The following TUSC3 variants were observed in gnomAD, a reference collection of about 807,000 sequenced individuals.
TUSC3 encodes the protein dolichyl-diphosphooligosaccharide--protein glycosyltransferase subunit TUSC3.
In TUSC3, 45 loss-of-function variants were observed where a neutral mutation model predicts 44.8. The observed-to-expected ratio is 1.00, with a 90% CI of 0.79 to 1.29. The LOEUF is 1.29. TUSC3 is among the 50% of genes most tolerant of loss of function. The pLI, the probability that TUSC3 is intolerant of heterozygous loss-of-function variation, is 0.00. For missense variants in TUSC3, 519 were observed against 437.9 expected (o/e 1.19, Z -1.65); for synonymous variants, 212 against 152.9 (o/e 1.39, Z -2.85).
At chr8:15,480,315 T>C (rs1404964394) in intron 1 of TUSC3, among the ~76,000 whole-genome samples, 4 of 152,210 alleles carry the variant, frequency 2.6e-5, no homozygotes, top group Admixed American at 2.0e-4. Context: ...ATTCTTCACA[T>C]AATTAGAAAA....
At chr8:15,761,817 C>G (rs1168310194) in intron 10 of TUSC3, among the ~76,000 whole-genome samples, 2 of 152,124 alleles carry the variant, frequency 1.3e-5, no homozygotes, top group Non-Finnish European at 2.9e-5. Flanking sequence ...GGCATTTATA[C>G]ATTTTTGTGA....
At chr8:15,718,588 TA>T (rs1334384744) in intron 6 of TUSC3, among the ~76,000 whole-genome samples, 1 of 152,100 alleles carries the variant, frequency 6.6e-6, no homozygotes, top group Non-Finnish European at 1.5e-5. Context: ...ACACATCTTC[TA>T]AAGGAGAGAA....
chr8:15,523,658 ATATATATG>A (rs1466646608), intron 2 of TUSC3, among the ~76,000 whole-genome samples: 4 of 21,322 alleles, frequency 1.9e-4, no homozygotes, highest in East Asian at 4.0e-3. Flanking sequence ...ATATATATAT[ATATATATG>A]TGTGTGTGTG....
intron 1 of TUSC3, among the ~76,000 whole-genome samples, chr8:15,607,609 C>T (rs561472166): frequency 3.9e-5 from 6 of 152,166 alleles, no homozygotes; most frequent in Admixed American, 2.0e-4. Context: ...CACTGAATAC[C>T]CAGATATCGA....
chr8:15,800,336 G>A, the TUSC3 span, among the ~76,000 whole-genome samples: 3 of 152,116 alleles, frequency 2.0e-5, no homozygotes, highest in Non-Finnish European at 2.9e-5. Context: ...AGGCTGGGAG[G>A]CTAAGGTGGG....
chr8:15,504,461 T>C (rs1344411469), intron 2 of TUSC3, among the ~76,000 whole-genome samples: 2 of 151,344 alleles, frequency 1.3e-5, no homozygotes, highest in African/African-American at 4.9e-5. Flanking sequence ...ATCATTAACA[T>C]CAGTTCATTA....
intron 1 of TUSC3, among the ~76,000 whole-genome samples, chr8:15,444,212 T>C (rs1366335518): frequency 1.3e-5 from 2 of 152,214 alleles, no homozygotes; most frequent in Non-Finnish European, 2.9e-5. Flanking sequence ...TGAAATAGAC[T>C]ACCTGAAAAG....
the TUSC3 span, among the ~76,000 whole-genome samples, chr8:15,795,835 C>A: frequency 6.6e-6 from 1 of 152,186 alleles, no homozygotes; most frequent in African/African-American, 2.4e-5. Flanking sequence ...TTTGGAGGGA[C>A]TGCATGAGGT....
intron 1 of TUSC3, among the ~76,000 whole-genome samples, chr8:15,447,343 A>G (rs1012267389): frequency 1.3e-5 from 2 of 152,182 alleles, no homozygotes; most frequent in Non-Finnish European, 2.9e-5. Flanking sequence ...TTCAGCTGTC[A>G]GAAAACTAAA....
intron 1 of TUSC3, among the ~76,000 whole-genome samples, chr8:15,554,822 G>A (rs1011903607): frequency 8.0e-5 from 12 of 150,842 alleles, no homozygotes; most frequent in Non-Finnish European, 1.3e-4. Flanking sequence ...AGCCAGGATG[G>A]TGTCGATCTC....
intron 2 of TUSC3, among the ~76,000 whole-genome samples, chr8:15,626,723 G>T (rs1197547890): frequency 6.6e-6 from 1 of 152,226 alleles, no homozygotes; most frequent in African/African-American, 2.4e-5. Flanking sequence ...CACTGTTGGA[G>T]CTTGGCCAGG....
At chr8:15,781,724 GAATT>G in the TUSC3 span, among the ~76,000 whole-genome samples, 7 of 152,142 alleles carry the variant, frequency 4.6e-5, no homozygotes, top group African/African-American at 1.7e-4. Context: ...AACGTTCAAA[GAATT>G]AATACCAACC....
chr8:15,500,435 T>A (rs987292772), intron 2 of TUSC3, among the ~76,000 whole-genome samples: 1 of 152,198 alleles, frequency 6.6e-6, no homozygotes, highest in African/African-American at 2.4e-5. Flanking sequence ...CCATTGGGAT[T>A]TTTTAGTCAA....
At chr8:15,692,371 C>CCCCCCCTT (rs1563175839) in intron 6 of TUSC3, among the ~76,000 whole-genome samples, 5 of 18,822 alleles carry the variant, frequency 2.7e-4, no homozygotes, top group Admixed American at 6.2e-4. Context: ...CCCCCCCCCC[C>CCCCCCCTT]TTTGTTTTTT....
chr8:15,786,338 T>C, the TUSC3 span, among the ~76,000 whole-genome samples: 11 of 152,216 alleles, frequency 7.2e-5, no homozygotes, highest in African/African-American at 2.4e-4. Flanking sequence ...AAAACATTCA[T>C]CTAAAGGTAC....
intron 6 of TUSC3, among the ~76,000 whole-genome samples, chr8:15,682,279 T>G (rs1482350811): frequency 1.3e-5 from 2 of 152,210 alleles, no homozygotes; most frequent in African/African-American, 4.8e-5. Context: ...ACTATTATTG[T>G]GTGCCTGTCC....
chr8:15,720,977 C>T (rs1810280039), intron 6 of TUSC3, among the ~76,000 whole-genome samples: 1 of 151,906 alleles, frequency 6.6e-6, no homozygotes, highest in African/African-American at 2.4e-5. Context: ...CATGTGAATA[C>T]TGAAGAGTAT....
chr8:15,433,661 T>C (rs995823877), intron 1 of TUSC3, among the ~76,000 whole-genome samples: 1 of 152,132 alleles, frequency 6.6e-6, no homozygotes, highest in Non-Finnish European at 1.5e-5. Context: ...TAGATTAATT[T>C]GTCACTTGCA....
At position 15,554,600 on chromosome 8, in the gene TUSC3, ATTTTT is replaced by A. The variant is rs376264004; in HGVS notation, c.138+14048_138+14052del. On this transcript the variant is annotated intron_variant, in intron 1 of 10. Transcript: ENST00000503731. ...CTGTTGACTTTTGCATTTTACTATA[ATTTTT>A]TTTTTTTTTTTTTTTGAGATGGAGT... Among the ~76,000 whole-genome samples, 6 of 111,654 alleles carry A rather than the reference ATTTTT, an allele frequency of 5.4e-5. No individual in the cohort carries two copies. In the East Asian group the frequency reaches 1.3e-3, roughly 25 times the overall value. The allele number at this position is 111,654 out of a possible 152,430, so 73.2% of individuals were successfully genotyped here. A position where few individuals can be genotyped will look rare whatever the true frequency, so the allele number is the denominator to read the frequency against.
Sources: allele counts gnomAD v4.1 joint callset (sites outside exome capture counted in the v4.1 genomes callset), GRCh38; gene constraint gnomAD v4.1.1; transcripts MANE v1.5; gene names NCBI Gene and HGNC (gene_info 2026-07-23, HGNC 2026-07-21).